VPS50: variants seen among roughly 807,000 people sequenced by gnomAD.
VPS50 encodes the protein syndetin.
A neutral mutation model predicts 139.7 loss-of-function variants in VPS50; 70 were observed. That is an observed-to-expected ratio of 0.50 (90% CI 0.41 to 0.61). The LOEUF (loss-of-function observed/expected upper bound fraction) is 0.61, where lower values mean the gene tolerates loss of function less well. Among genes scored for constraint, VPS50 ranks in the 20% least tolerant of loss-of-function variants. VPS50 has a pLI of 0.00. For missense variants in VPS50, 921 were observed against 1,133.7 expected, an observed-to-expected ratio of 0.81 and a Z score of 2.69; for synonymous variants, 365 against 376.7, an observed-to-expected ratio of 0.97 and a Z score of 0.36.
intron 27 of VPS50, 35 bp downstream of exon 27, chr7:93,356,115 T>C: frequency 9.2e-7 from 1 of 1,090,626 alleles, no homozygotes; most frequent in South Asian, 2.1e-5. Flanking sequence ...AAGTTTTTAT[T>C]CCTTTTTCTT....
At chr7:93,280,097 C>T (rs541908873) in intron 12 of VPS50, among the ~76,000 whole-genome samples, 1 of 152,242 alleles carries the variant, frequency 6.6e-6, no homozygotes, top group South Asian at 2.1e-4. Flanking sequence ...CATCCCTTCC[C>T]AATCAATTTT....
At chr7:93,261,443 C>T (rs995709984) in intron 9 of VPS50, among the ~76,000 whole-genome samples, 1 of 151,914 alleles carries the variant, frequency 6.6e-6, no homozygotes. Flanking sequence ...ATTGGGAGGC[C>T]GAGGCGGGCG....
chr7:93,321,043 T>G (rs1174963714), intron 20 of VPS50: 1 of 152,244 alleles, frequency 6.6e-6, no homozygotes, highest in Non-Finnish European at 1.5e-5. Flanking sequence ...AAATAAAGTT[T>G]TATTGGCACA....
intron 16 of VPS50, among the ~76,000 whole-genome samples, chr7:93,298,632 T>C (rs1796882135): frequency 6.6e-6 from 1 of 152,198 alleles, no homozygotes; most frequent in Non-Finnish European, 1.5e-5. Context: ...GTTTTACTTA[T>C]TGTCAAAAGG....
rs1272584037 is a variant in VPS50, at chr7:93,276,285, C to A, written c.922C>A (p.Gln308Lys). ...GNTDTKFQKL[Q>K]YKDLCTHVTP... ...CACAGACACAAAATTCCAAAAGCTG[C>A]AATATAAGGATCTCTGTACAGTATG... The change falls in exon 12 of 28, where the codon CAA (glutamine) becomes AAA (lysine). Residue 308 changes from glutamine to lysine, a missense_variant. Gln to Lys is a moderately conservative substitution (Grantham distance 53). Coordinates refer to ENST00000305866, the MANE Select transcript of VPS50 (RefSeq NM_017667.4). 5.0e-6 allele frequency: 8 copies of A among 1,612,980 alleles called. No individual in the cohort carries two copies. The highest frequency in any genetic ancestry group is 1.7e-5 in the Admixed American group (1 of 59,910).
chr7:93,285,406 T>A (rs1209160502), intron 12 of VPS50, among the ~76,000 whole-genome samples: 4 of 152,222 alleles, frequency 2.6e-5, no homozygotes, highest in South Asian at 4.1e-4. Flanking sequence ...GATTTAGTAA[T>A]AGAGATTTCT....
chr7:93,260,051 A>G (rs1430272282), intron 9 of VPS50, among the ~76,000 whole-genome samples: 1 of 152,204 alleles, frequency 6.6e-6, no homozygotes, highest in African/African-American at 2.4e-5. Flanking sequence ...TCATCATGAT[A>G]AAAAGTCTTT....
chr7:93,315,499 G>A (rs1006034373), intron 20 of VPS50, among the ~76,000 whole-genome samples: 1 of 152,146 alleles, frequency 6.6e-6, no homozygotes, highest in African/African-American at 2.4e-5. Context: ...TTACTAACGA[G>A]CTTACTAAAA....
At chr7:93,310,154 C>CA (rs1797226287) in intron 19 of VPS50, among the ~76,000 whole-genome samples, 1 of 151,978 alleles carries the variant, frequency 6.6e-6, no homozygotes, top group African/African-American at 2.4e-5. Context: ...TTGAAATGTA[C>CA]AAGTAAGATA....
chr7:93,332,982 G>A (rs1044444664), intron 21 of VPS50, among the ~76,000 whole-genome samples: 10 of 152,236 alleles, frequency 6.6e-5, no homozygotes, highest in African/African-American at 2.4e-4. Context: ...AGGGCAAAAG[G>A]TATGAGGACA....
At chr7:93,242,921 C>T (rs1445751239) in intron 2 of VPS50, among the ~76,000 whole-genome samples, 1 of 151,850 alleles carries the variant, frequency 6.6e-6, no homozygotes, top group African/African-American at 2.4e-5. Flanking sequence ...GTATGTGCTT[C>T]AACTTGCTAG....
At chr7:93,294,668 G>T in intron 14 of VPS50, 32 bp downstream of exon 14, 1 of 1,484,628 alleles carries the variant, frequency 6.7e-7, no homozygotes, top group East Asian at 2.3e-5. Context: ...TTTTTTCACA[G>T]AAGCAATAGA....
intron 20 of VPS50, among the ~76,000 whole-genome samples, chr7:93,315,954 C>T (rs549861333): frequency 5.3e-4 from 80 of 149,940 alleles, no homozygotes; most frequent in African/African-American, 1.8e-3. Context: ...GAAATAAATA[C>T]AAAATAAAAA....
chr7:93,294,441 A>G (rs925692885), intron 13 of VPS50, 104 bp from the exon 14 acceptor site: 23 of 978,084 alleles, frequency 2.4e-5, no homozygotes, highest in Non-Finnish European at 3.1e-5. Flanking sequence ...TATTTACTGT[A>G]TCTTACATAG....
At chr7:93,314,835 CT>C (rs1797376708) in intron 20 of VPS50, among the ~76,000 whole-genome samples, 1 of 151,898 alleles carries the variant, frequency 6.6e-6, no homozygotes, top group African/African-American at 2.4e-5. Context: ...TTAGGACATT[CT>C]TTTCATTGGG....
At chr7:93,353,413 G>A (rs536688391) in intron 25 of VPS50, among the ~76,000 whole-genome samples, 17 of 152,110 alleles carry the variant, frequency 1.1e-4, no homozygotes, top group Non-Finnish European at 2.1e-4. Context: ...CTCCTTTTGC[G>A]ATAAAATGTA....
chr7:93,294,394 T>C (rs570525804), intron 13 of VPS50, 151 bp from the exon 14 acceptor site: 5 of 642,784 alleles, frequency 7.8e-6, no homozygotes, highest in East Asian at 6.8e-5. Flanking sequence ...CTAATACCTA[T>C]TGTTTGATAT....
chr7:93,311,252 TG>T lies in VPS50; in HGVS notation c.1836del (p.Asn613ThrfsTer3). The stretch of plus-strand genomic sequence containing the variant: ...GCACCTATCTTAACAAATACAACAT[TG>T]AACGTCATAAGACTTGTTGGTAAGT... ...VNAPILTNTTLNVIRLVGKYM... is the reference protein window; with the variant it reads ...VNAPILTNTTXNVIRLVGKYM... On this transcript the variant is annotated frameshift_variant, in exon 20 of 28. Transcript: ENST00000305866. LOFTEE classifies it high-confidence loss of function. 1 of 1,248,338 alleles carries T rather than the reference TG, an allele frequency of 8.0e-7. No individual in the cohort carries two copies. The highest frequency in any genetic ancestry group is 1.2e-6 in the Non-Finnish European group (1 of 846,606). 77.3% of individuals were successfully genotyped at this position (1,248,338 alleles called of 1,614,324 possible). A position where few individuals can be genotyped will look rare whatever the true frequency, so the allele number is the denominator to read the frequency against.
intron 4 of VPS50, among the ~76,000 whole-genome samples, chr7:93,254,235 C>T (rs529847369): frequency 4.6e-5 from 7 of 152,148 alleles, no homozygotes; most frequent in Non-Finnish European, 7.4e-5. Flanking sequence ...TTGTCATAGA[C>T]GTATGATTTC....
Sources: allele counts gnomAD v4.1 joint callset (sites outside exome capture counted in the v4.1 genomes callset), GRCh38; gene constraint gnomAD v4.1.1; transcripts MANE v1.5; gene names NCBI Gene and HGNC (gene_info 2026-07-23, HGNC 2026-07-21).